Variants in MAPK8IP3 observed in about 807,000 individuals in gnomAD.
MAPK8IP3 encodes the protein C-Jun-amino-terminal kinase-interacting protein 3.
MAPK8IP3 carries 49 observed loss-of-function variants against 157.8 expected under a neutral mutation model. The observed-to-expected ratio is 0.31, with a 90% CI of 0.25 to 0.39. The LOEUF (loss-of-function observed/expected upper bound fraction) is 0.39. MAPK8IP3 is among the 10% of genes least tolerant of loss of function. The pLI, the probability that MAPK8IP3 is intolerant of heterozygous loss-of-function variation, is 1.00. For synonymous variants in MAPK8IP3, 897 were observed against 777.7 expected (o/e 1.15, Z -2.55); for missense variants, 1,478 against 1,889.4 (o/e 0.78, Z 4.04).
rs915431888 is a variant in MAPK8IP3 at position 1,758,018 on chromosome 16, G to A, written c.1217-130G>A. 6.5e-6 allele frequency: 6 copies of A among 917,738 alleles called. No individual in the cohort carries two copies. In the African/African-American group the frequency reaches 9.7e-5, roughly 15 times the overall value. The allele number at this position is 917,738 out of a possible 1,614,324, so 56.8% of individuals were successfully genotyped here. ...CTGGAGGCTGCTCCCTCTCTCTCCTGCCCTGCAACATGGGAGCAGCCGAAT... is the reference window on the plus strand; with the variant it reads ...CTGGAGGCTGCTCCCTCTCTCTCCTACCCTGCAACATGGGAGCAGCCGAAT... On this transcript the variant is annotated intron_variant, in intron 8 of 31. Transcript: ENST00000610761.
intron 4 of MAPK8IP3, among the ~76,000 whole-genome samples, chr16:1,731,984 C>A (rs8048913): frequency 2.6e-5 from 4 of 152,126 alleles, no homozygotes; most frequent in Non-Finnish European, 4.4e-5. Context: ...CTCAGAGAGT[C>A]GGGGGAGCCT....
chr16:1,738,162 G>C (rs1258572341), intron 4 of MAPK8IP3, among the ~76,000 whole-genome samples: 1 of 92,816 alleles, frequency 1.1e-5, no homozygotes, highest in African/African-American at 5.0e-5. Context: ...GTGAGCATCT[G>C]TGTGACCGTC....
chr16:1,767,118 G>A (rs773723212), intron 25 of MAPK8IP3, 31 bp from the exon 26 acceptor site: 1 of 1,611,506 alleles, frequency 6.2e-7, no homozygotes, highest in Non-Finnish European at 8.5e-7. Flanking sequence ...GGCCTGGCCA[G>A]GCCTGAGCAG....
Position 1,721,109 on chromosome 16 carries a change from G to A in MAPK8IP3, c.319-3448G>A, listed in dbSNP as rs140122718. Among the ~76,000 whole-genome samples the A allele has an allele frequency of 7.4e-3, 1,105 of 150,180 alleles. 10 individuals are homozygous for A. Among genetic ancestry groups the A allele is most frequent in the South Asian group, 0.013 (62 of 4,724 alleles). On this transcript the variant is annotated intron_variant, in intron 1 of 31. Transcript: ENST00000610761. ...TCCCAGCACTTGGGAAGGCCGAGGC[G>A]GGTGGATCACCTAAGGTCAAGAGTT... is the stretch of plus-strand genomic sequence containing the variant.
Position 1,706,216 on chromosome 16 carries a change from G to GGCC in MAPK8IP3, c.-123_-122insCCG. The GGCC allele has an allele frequency of 1.3e-6, 1 of 797,022 alleles. No homozygotes were observed. Among genetic ancestry groups the GGCC allele is most frequent in the Non-Finnish European group, 1.7e-6 (1 of 585,578 alleles). The allele number at this position is 797,022 out of a possible 1,614,324, so 49.4% of individuals were successfully genotyped here. A position where few individuals can be genotyped will look rare whatever the true frequency, so the allele number is the denominator to read the frequency against. On this transcript the variant is annotated 5_prime_UTR_variant, in exon 1 of 32. Coordinates refer to ENST00000610761, the MANE Select transcript of MAPK8IP3 (RefSeq NM_001318852.2). The surrounding 1 kb of genome is among the most constrained non-coding windows in gnomAD (Gnocchi z 5.1). ...GCGCAGCCTCGGCAGCGGCGGCGGC[G>GGCC]GAGCCCTGAGGCGACAGCAGCTGCG...
At chr16:1,738,014 C>G (rs2141812716) in intron 4 of MAPK8IP3, among the ~76,000 whole-genome samples, 1 of 72,900 alleles carries the variant, frequency 1.4e-5, no homozygotes, top group African/African-American at 6.0e-5. Flanking sequence ...ATCTGTGTGA[C>G]CGTCCGTGTG....
At chr16:1,768,422 G>A (rs780923244) in intron 30 of MAPK8IP3, 44 bp downstream of exon 30, 1 of 1,597,060 alleles carries the variant, frequency 6.3e-7, no homozygotes. Context: ...CTGCATGCCA[G>A]TGGCCGCCGC....
At chr16:1,735,470 TGA>T (rs150729732) in intron 4 of MAPK8IP3, among the ~76,000 whole-genome samples, 28,131 of 123,646 alleles carry the variant, frequency 0.23, 4,126 homozygotes, top group African/African-American at 0.42. Context: ...AGCGTCCGTG[TGA>T]GAGTGTGACC....
In MAPK8IP3 at chr16:1,767,967, C is replaced by T. The variant is rs753837854; in HGVS notation, c.3523+49C>T. On this transcript the variant is annotated intron_variant, in intron 28 of 31. Coordinates refer to ENST00000610761, the MANE Select transcript of MAPK8IP3 (RefSeq NM_001318852.2). ...GGGCAGTGGTGCTGCCAGAGGTGTA[C>T]GTGGGTTCACGGGGTGGCTCTGCAG... The T allele has an allele frequency of 3.2e-5, 51 of 1,606,538 alleles. No individual in the cohort carries two copies. The Admixed American group carries it at 3.3e-4, about 11-fold the overall frequency.
At chr16:1,725,965 C>T (rs1257963167) in intron 2 of MAPK8IP3, among the ~76,000 whole-genome samples, 4 of 152,320 alleles carry the variant, frequency 2.6e-5, no homozygotes, top group East Asian at 3.9e-4. Flanking sequence ...ATTACAGGCG[C>T]GAGCCACCGC....
intron 4 of MAPK8IP3, among the ~76,000 whole-genome samples, chr16:1,736,153 A>G (rs1178642697): frequency 8.5e-6 from 1 of 117,884 alleles, no homozygotes; most frequent in Non-Finnish European, 1.7e-5. Context: ...CATCTGTGTG[A>G]CCGTCCGTGT....
chr16:1,737,239 CGT>C (rs1285100017), intron 4 of MAPK8IP3, among the ~76,000 whole-genome samples: 2 of 59,858 alleles, frequency 3.3e-5, no homozygotes, highest in Admixed American at 4.8e-4. Flanking sequence ...TGTAAGCATC[CGT>C]GTGACCGTGT....
At chr16:1,764,489 TC>T in intron 19 of MAPK8IP3, 30 bp downstream of exon 19, 2 of 1,601,598 alleles carry the variant, frequency 1.2e-6, no homozygotes, top group African/African-American at 2.7e-5. Flanking sequence ...CCGGGCACCC[TC>T]CCTGGCTTAG....
rs944791906 is a variant in MAPK8IP3, at chr16:1,751,960, G to A, written c.1216+3240G>A. 1.3e-5 allele frequency: 2 copies of A among 152,276 alleles called. No individual in the cohort carries two copies. Among genetic ancestry groups the A allele is most frequent in the African/African-American group, 2.4e-5 (1 of 41,424 alleles). 9.4% of individuals were successfully genotyped at this position (152,276 alleles called of 1,614,324 possible). On this transcript the variant is annotated intron_variant, in intron 8 of 31. Transcript: ENST00000610761. This position sits in a 1 kb window ranked among gnomAD's most constrained non-coding sequence, Gnocchi z 5.0. ...TGTTTGCCCTAATGGGCCCCTGCTT[G>A]GTGCTTTCCACCTTTGGGAGGCTGT...
intron 4 of MAPK8IP3, among the ~76,000 whole-genome samples, chr16:1,739,808 G>A (rs111218440): frequency 6.5e-5 from 8 of 123,730 alleles, no homozygotes; most frequent in East Asian, 2.5e-4. Flanking sequence ...GTGACCATCC[G>A]TGTGAGCGTG....
chr16:1,730,264 A>G (rs1414230969), intron 4 of MAPK8IP3, among the ~76,000 whole-genome samples: 4 of 152,058 alleles, frequency 2.6e-5, no homozygotes, highest in African/African-American at 9.7e-5. Flanking sequence ...CGTCTCTAAA[A>G]AAATAAAAAA....
chr16:1,767,244 T>A lies in MAPK8IP3; in HGVS notation c.3184T>A (p.Cys1062Ser). The A allele has an allele frequency of 6.2e-7, 1 of 1,613,370 alleles. No individual in the cohort carries two copies. Among genetic ancestry groups the A allele is most frequent in the Non-Finnish European group, 8.5e-7 (1 of 1,179,992 alleles). The change falls in exon 26 of 32, where the codon TGT (cysteine) becomes AGT (serine). Residue 1062 changes from cysteine (C) to serine (S), a missense_variant. By Grantham distance (112) the Cys-to-Ser change is moderately radical. Coordinates refer to ENST00000610761, the MANE Select transcript of MAPK8IP3 (RefSeq NM_001318852.2). ...GGCTGTTGTGTACGACCGCGTGTGG[T>A]GTGGCTACAAGAACAAGGTGCACGT... The part of the protein sequence containing the change: ...CMAVVYDRVW[C>S]GYKNKVHVIQ...
chr16:1,734,745 C>T (rs2039547797), intron 4 of MAPK8IP3, among the ~76,000 whole-genome samples: 1 of 152,260 alleles, frequency 6.6e-6, no homozygotes. Context: ...TTGGGGGACA[C>T]ATATTTGAGT....
At chr16:1,756,691 A>T (rs1567194034) in intron 8 of MAPK8IP3, among the ~76,000 whole-genome samples, 1 of 151,148 alleles carries the variant, frequency 6.6e-6, no homozygotes, top group Non-Finnish European at 1.5e-5. Flanking sequence ...GCGTGGTGGC[A>T]TGTACCTGTA....
Sources: allele counts gnomAD v4.1 joint callset (sites outside exome capture counted in the v4.1 genomes callset), GRCh38; gene constraint gnomAD v4.1.1; non-coding constraint Gnocchi (gnomAD v3.1); transcripts MANE v1.5; gene names NCBI Gene and HGNC (gene_info 2026-07-23, HGNC 2026-07-21).